PKP1: variants seen among roughly 807,000 people sequenced by gnomAD.
The protein encoded by PKP1 is plakophilin 1, also known as plakophilin-1.
A neutral mutation model predicts 76.4 loss-of-function variants in PKP1; 27 were observed. The ratio of observed to expected loss-of-function variants is 0.35; its 90% CI spans 0.26 to 0.49. The LOEUF is 0.49. Among genes scored for constraint, PKP1 ranks in the 20% least tolerant of loss-of-function variants. PKP1 has a pLI of 0.99. For missense variants in PKP1, 964 were observed against 955.2 expected (o/e 1.01, Z -0.12); for synonymous variants, 404 against 384.2 (o/e 1.05, Z -0.60).
chr1:201,284,041 C>G, intron 1 of PKP1, 137 bp downstream of exon 1: 1 of 822,610 alleles, frequency 1.2e-6, no homozygotes, highest in Non-Finnish European at 2.0e-6. Flanking sequence ...GGTCTACGCA[C>G]CTAGTGCGAG....
intron 6 of PKP1, chr1:201,319,869 G>A: frequency 1.2e-6 from 2 of 1,614,126 alleles, no homozygotes; most frequent in Non-Finnish European, 1.7e-6. Context: ...AGGGCCACTA[G>A]TAGCAGGGTG....
At chr1:201,287,239 G>A (rs1655767931) in intron 1 of PKP1, among the ~76,000 whole-genome samples, 1 of 152,204 alleles carries the variant, frequency 6.6e-6, no homozygotes, top group African/African-American at 2.4e-5. Context: ...ATTGAGCCAG[G>A]GGAGGTGCCT....
At chr1:201,306,381 C>T (rs1404680962) in intron 2 of PKP1, among the ~76,000 whole-genome samples, 1 of 152,226 alleles carries the variant, frequency 6.6e-6, no homozygotes, top group East Asian at 1.9e-4. Context: ...ATGGACCTGA[C>T]CTTTGCAGGC....
intron 1 of PKP1, among the ~76,000 whole-genome samples, chr1:201,289,825 A>G (rs928905092): frequency 6.6e-6 from 1 of 152,196 alleles, no homozygotes; most frequent in African/African-American, 2.4e-5. Flanking sequence ...TGGAGTGCTC[A>G]GAGCTGGGTG....
intron 2 of PKP1, among the ~76,000 whole-genome samples, chr1:201,301,814 C>A: frequency 6.6e-6 from 1 of 150,948 alleles, no homozygotes; most frequent in Non-Finnish European, 1.5e-5. Flanking sequence ...TAGTTGAAAA[C>A]AAATAACAGA....
At chr1:201,315,706 AG>A (rs1437288840) in intron 3 of PKP1, among the ~76,000 whole-genome samples, 3 of 152,234 alleles carry the variant, frequency 2.0e-5, no homozygotes, top group Admixed American at 6.5e-5. Flanking sequence ...GGCTGAAAAA[AG>A]GTTGACTACA....
At chr1:201,290,701 C>T (rs376654120) in intron 1 of PKP1, among the ~76,000 whole-genome samples, 6 of 152,158 alleles carry the variant, frequency 3.9e-5, no homozygotes, top group African/African-American at 1.4e-4. Flanking sequence ...ACGCAAAGAG[C>T]CAGCTCAAGC....
intron 2 of PKP1, among the ~76,000 whole-genome samples, chr1:201,297,886 T>C (rs911578777): frequency 2.6e-5 from 4 of 152,188 alleles, no homozygotes; most frequent in African/African-American, 9.6e-5. Flanking sequence ...CTGGGTTCAC[T>C]TGGGTATAAG....
intron 13 of PKP1, 115 bp from the exon 14 acceptor site, chr1:201,329,959 C>T (rs1441301007): frequency 6.6e-6 from 1 of 152,272 alleles, no homozygotes; most frequent in African/African-American, 2.4e-5. Flanking sequence ...AATCCAGTCT[C>T]AGGCCAGGGC....
In PKP1 at chr1:201,324,853, T is replaced by C. The variant is rs1391238238; in HGVS notation, c.1835-88T>C. 3.0e-6 allele frequency: 4 copies of C among 1,316,138 alleles called. No individual in the cohort carries two copies. The East Asian group carries it at 6.9e-5, about 23-fold the overall frequency. The allele number at this position is 1,316,138 out of a possible 1,614,324, so 81.5% of individuals were successfully genotyped here. On this transcript the variant is annotated intron_variant, in intron 10 of 13. Transcript: ENST00000367324. ...CCTGGCTCAGAGCCCGGCAGAAGGC[T>C]ATCGAAGAGTGTGGCCCCAGAGGGA...
Position 201,283,682 on chromosome 1 carries a change from C to G in PKP1, c.-21C>G, listed in dbSNP as rs778022703. On this transcript the variant is annotated 5_prime_UTR_variant, in exon 1 of 14. Transcript: ENST00000367324. ...TCTGCTCTCCTAGGCCCCGGCCGCGCGCCACCCGCCTCCCGCCACCATGAA... is the reference window on the plus strand; with the variant it reads ...TCTGCTCTCCTAGGCCCCGGCCGCGGGCCACCCGCCTCCCGCCACCATGAA... 3 of 1,608,656 alleles carry G rather than the reference C, an allele frequency of 1.9e-6. No homozygotes were observed. The highest frequency in any genetic ancestry group is 1.7e-6 in the Non-Finnish European group (2 of 1,176,940).
rs764623008 is a variant in PKP1, at chr1:201,317,702, G to A, written c.977G>A (p.Arg326Gln). The A allele has an allele frequency of 1.5e-5, 25 of 1,613,852 alleles. No individual in the cohort carries two copies. Among genetic ancestry groups the A allele is most frequent in the African/African-American group, 9.3e-5 (7 of 74,890 alleles). ...FRSTTNKLETRRQNGIREAVS... is the reference protein window; with the variant it reads ...FRSTTNKLETQRQNGIREAVS... ...AGCACCACCAACAAGCTGGAGACCCGGAGGCAGAATGGGATCCGCGAGGCA... is the reference window on the plus strand; with the variant it reads ...AGCACCACCAACAAGCTGGAGACCCAGAGGCAGAATGGGATCCGCGAGGCA... Residue 326 changes from arginine to glutamine, a missense_variant, in exon 5 of 14, where the codon CGG becomes CAG. Coordinates refer to ENST00000367324, the MANE Select transcript of PKP1 (RefSeq NM_001005337.3).
intron 2 of PKP1, among the ~76,000 whole-genome samples, chr1:201,306,227 T>C (rs1269478886): frequency 6.6e-6 from 1 of 152,224 alleles, no homozygotes; most frequent in Non-Finnish European, 1.5e-5. Flanking sequence ...TTTTCCACAG[T>C]GCAGTAAATA....
intron 7 of PKP1, 100 bp downstream of exon 7, chr1:201,320,481 A>T: frequency 1.3e-6 from 1 of 774,474 alleles, no homozygotes; most frequent in South Asian, 1.5e-5. Flanking sequence ...AGGAGCACAG[A>T]CTCAGGGGTG....
chr1:201,286,877 A>T (rs979444118), intron 1 of PKP1, among the ~76,000 whole-genome samples: 1 of 152,130 alleles, frequency 6.6e-6, no homozygotes, highest in Non-Finnish European at 1.5e-5. Context: ...TGGGGAAGGA[A>T]ACACTTATCC....
chr1:201,328,834 TAAGAA>T lies in PKP1; in HGVS notation c.2180_*3del, dbSNP rs1657228741. 6.2e-7 allele frequency: 1 copy of T among 1,613,258 alleles called. No individual in the cohort carries two copies. On this transcript the variant is annotated stop_retained_variant and 3_prime_UTR_variant, in exon 13 of 14. Coordinates refer to ENST00000367324, the MANE Select transcript of PKP1 (RefSeq NM_001005337.3). ...CCTCAGGAACTTCACCTCCCGATTC[TAAGAA>T]GAGACTGTCCAAGCAAGTTAGGCTT...
chr1:201,328,745 T>A lies in PKP1; in HGVS notation c.2107-17T>A, dbSNP rs1450580625. 1.2e-6 allele frequency: 2 copies of A among 1,613,334 alleles called. No homozygotes were observed. Among genetic ancestry groups the A allele is most frequent in the East Asian group, 4.5e-5 (2 of 44,884 alleles). ...ACACAGTTTTGTGTCATTTGGTTGC[T>A]GTTTCTCCCTTTGCAGCAAGGTTTC... is the stretch of plus-strand genomic sequence containing the variant. On this transcript the variant is annotated splice_polypyrimidine_tract_variant and intron_variant, in intron 12 of 13. Transcript: ENST00000367324.
intron 3 of PKP1, among the ~76,000 whole-genome samples, chr1:201,315,150 C>G (rs1015684942): frequency 2.0e-5 from 3 of 152,232 alleles, no homozygotes; most frequent in African/African-American, 7.2e-5. Context: ...ATCAGGGCAG[C>G]CTCTGGCTTC....
At chr1:201,305,256 A>T (rs1656340725) in intron 2 of PKP1, among the ~76,000 whole-genome samples, 1 of 152,154 alleles carries the variant, frequency 6.6e-6, no homozygotes, top group African/African-American at 2.4e-5. Context: ...AGTGGCTCAC[A>T]CCTGTAATCC....
Sources: allele counts gnomAD v4.1 joint callset (sites outside exome capture counted in the v4.1 genomes callset), GRCh38; gene constraint gnomAD v4.1.1; transcripts MANE v1.5; gene names NCBI Gene and HGNC (gene_info 2026-07-23, HGNC 2026-07-21).